The following UROD variants were observed in gnomAD, a reference collection of about 807,000 sequenced individuals.
UROD encodes the protein uroporphyrinogen III decarboxylase.
Under a neutral mutation model 47.1 loss-of-function variants are expected in UROD, and 34 were observed. That is an observed-to-expected ratio of 0.72 (90% CI 0.55 to 0.96). UROD has a LOEUF of 0.96. Among genes scored for constraint, UROD ranks in the 40% least tolerant of loss-of-function variants. UROD has a pLI of 0.00. For missense variants in UROD, 381 were observed against 471.8 expected (o/e 0.81, Z 1.78); for synonymous variants, 148 against 175.8 (o/e 0.84, Z 1.25).
In UROD at chr1:45,012,293, C is replaced by T. The variant is rs755280720; in HGVS notation, c.20+8C>T. 4 of 1,613,962 alleles carry T rather than the reference C, an allele frequency of 2.5e-6. No individual in the cohort carries two copies. The highest frequency in any genetic ancestry group is 1.3e-5 in the African/African-American group (1 of 74,914). ...GGAAGCGAATGGGTTGGGGTGAGTT[C>T]TCCAGAGCACGCGGTGTGGCTAGCC... On this transcript the variant is annotated splice_region_variant and intron_variant, in intron 1 of 9. Coordinates refer to ENST00000246337, the MANE Select transcript of UROD (RefSeq NM_000374.5).
In UROD at chr1:45,014,100, G is replaced by T. The variant is rs11211066; in HGVS notation, c.636+30G>T. 0.25 allele frequency: 408,109 copies of T among 1,613,668 alleles called. 53,150 individuals are homozygous for T. The highest frequency in any genetic ancestry group is 0.37 in the Admixed American group (22,109 of 59,984). ...GTCCTGAGAGAGAGAGAAATAGGCT[G>T]GGATTTGGTCTGTAAGGACCAGAAG... On this transcript the variant is annotated intron_variant, in intron 6 of 9. Coordinates refer to ENST00000246337, the MANE Select transcript of UROD (RefSeq NM_000374.5).
chr1:45,012,352 C>CT, intron 1 of UROD, 67 bp downstream of exon 1: 3 of 1,610,038 alleles, frequency 1.9e-6, no homozygotes, highest in Non-Finnish European at 2.6e-6. Context: ...ACTCAGGACT[C>CT]TATCCCTCTA....
Position 45,015,318 on chromosome 1 carries a change from T to C in UROD, c.943-19T>C. 6.2e-7 allele frequency: 1 copy of C among 1,613,548 alleles called. No individual in the cohort carries two copies. On this transcript the variant is annotated intron_variant, in intron 9 of 9. Coordinates refer to ENST00000246337, the MANE Select transcript of UROD (RefSeq NM_000374.5). ...GGCTTGCTGGTCCTCCTGTAGCCAG[T>C]GCCCTGTTGGTCCCCCAGGAGGAGA...
chr1:45,012,742 C>T, intron 1 of UROD, 165 bp from the exon 2 acceptor site: 1 of 1,452,894 alleles, frequency 6.9e-7, no homozygotes, highest in Non-Finnish European at 9.4e-7. Flanking sequence ...TGTGCACCAC[C>T]TGATAGGCAG....
rs754825289 is a variant in UROD at position 45,013,251 on chromosome 1, T to C, written c.213+36T>C. The C allele has an allele frequency of 1.9e-6, 3 of 1,614,174 alleles. No individual in the cohort carries two copies. In the East Asian group the frequency reaches 6.7e-5, roughly 36 times the overall value. The stretch of plus-strand genomic sequence containing the variant: ...CACAAAAGAGGGAAAGATTTATGCC[T>C]TCAGTCTGCCACCTAGCAACCTGTC... On this transcript the variant is annotated intron_variant, in intron 3 of 9. Coordinates refer to ENST00000246337, the MANE Select transcript of UROD (RefSeq NM_000374.5). The surrounding 1 kb of genome is among the most constrained non-coding windows in gnomAD (Gnocchi z 4.2).
rs1204882356 is a variant in UROD at position 45,013,601 on chromosome 1, G to A, written c.284G>A (p.Gly95Asp). The A allele has an allele frequency of 6.2e-7, 1 of 1,614,120 alleles. No individual in the cohort carries two copies. Among genetic ancestry groups the A allele is most frequent in the South Asian group, 1.1e-5 (1 of 91,090 alleles). Reference sequence around the variant, plus strand: ...TGTTTTCTCCCCCTCCAGGCACTGGGCATGGAGGTGACCATGGTACCTGGC... The same window carrying A: ...TGTTTTCTCCCCCTCCAGGCACTGGACATGGAGGTGACCATGGTACCTGGC... The part of the protein sequence containing the change: ...SDILVVPQAL[G>D]MEVTMVPGKG... The change falls in exon 5 of 10, where the codon GGC becomes GAC. Residue 95 changes from glycine to aspartate, a missense_variant. Coordinates refer to ENST00000246337, the MANE Select transcript of UROD (RefSeq NM_000374.5). This position sits in a 1 kb window ranked among gnomAD's most constrained non-coding sequence, Gnocchi z 4.2.
In UROD at chr1:45,013,347, T is replaced by C; in HGVS notation, c.269T>C (p.Val90Ala). Residue 90 changes from valine (V) to alanine (A), a missense_variant, in exon 4 of 10, where the codon GTA (valine) becomes GCA (alanine). By Grantham distance (64) the Val-to-Ala change is moderately conservative. Coordinates refer to ENST00000246337, the MANE Select transcript of UROD (RefSeq NM_000374.5). The surrounding 1 kb of genome is among the most constrained non-coding windows in gnomAD (Gnocchi z 4.2). ...ATCATTTTCTCCGACATCCTTGTTG[T>C]ACCCCAGGTACCCACTCAAACCTGA... ...AAIIFSDILV[V>A]PQALGMEVTM... is the part of the protein sequence containing the mutation. 6.2e-7 allele frequency: 1 copy of C among 1,614,168 alleles called. No individual in the cohort carries two copies. The highest frequency in any genetic ancestry group is 8.5e-7 in the Non-Finnish European group (1 of 1,180,030).
intron 9 of UROD, 159 bp from the exon 10 acceptor site, chr1:45,015,178 C>A: frequency 7.0e-7 from 1 of 1,418,616 alleles, no homozygotes; most frequent in Non-Finnish European, 9.7e-7. Flanking sequence ...TGTGTTTATG[C>A]TTCATGCCTG....
At position 45,013,415 on chromosome 1, in the gene UROD, A is replaced by G; in HGVS notation, c.276+61A>G. 3 of 1,611,664 alleles carry G rather than the reference A, an allele frequency of 1.9e-6. No individual in the cohort carries two copies. Among genetic ancestry groups the G allele is most frequent in the Non-Finnish European group, 2.5e-6 (3 of 1,177,812 alleles). ...AGGACGCCTTGAAAATCCTTCTATCAGTCCAGTCAAGGTTTACAATAAGCA... is the reference window on the plus strand; with the variant it reads ...AGGACGCCTTGAAAATCCTTCTATCGGTCCAGTCAAGGTTTACAATAAGCA... On this transcript the variant is annotated intron_variant, in intron 4 of 9. Transcript: ENST00000246337. This position sits in a 1 kb window ranked among gnomAD's most constrained non-coding sequence, Gnocchi z 4.2.
chr1:45,015,498 A>C lies in UROD; in HGVS notation c.1104A>C (p.Ter368CysextTer10). 1.9e-6 allele frequency: 3 copies of C among 1,614,216 alleles called. No individual in the cohort carries two copies. The highest frequency in any genetic ancestry group is 2.5e-6 in the Non-Finnish European group (3 of 1,180,050). ...ACTCACGTCTGCTTCGACAGAACTGAGTGTATACCTTTACCCTCAAGTACC... is the reference window on the plus strand; with the variant it reads ...ACTCACGTCTGCTTCGACAGAACTGCGTGTATACCTTTACCCTCAAGTACC... Reference protein sequence around the residue: ...HKHSRLLRQN* With the variant: ...HKHSRLLRQNC Residue 368 changes from the stop codon to cysteine, a stop_lost, in exon 10 of 10, where the codon TGA (stop) becomes TGC (cysteine). Coordinates refer to ENST00000246337, the MANE Select transcript of UROD (RefSeq NM_000374.5).
Position 45,013,403 on chromosome 1 carries a change from A to G in UROD, c.276+49A>G. The G allele has an allele frequency of 6.2e-7, 1 of 1,613,372 alleles. No homozygotes were observed. ...GAATATAATCCAAGGACGCCTTGAA[A>G]ATCCTTCTATCAGTCCAGTCAAGGT... On this transcript the variant is annotated intron_variant, in intron 4 of 9. Coordinates refer to ENST00000246337, the MANE Select transcript of UROD (RefSeq NM_000374.5). This position sits in a 1 kb window ranked among gnomAD's most constrained non-coding sequence, Gnocchi z 4.2.
Position 45,013,474 on chromosome 1 carries a change from T to C in UROD, c.276+120T>C. ...AACTGGATCGAGGGAAAAACTAAGG[T>C]TGAAAGAAATGGAGTTTGGCAGAGT... is the stretch of plus-strand genomic sequence containing the variant. On this transcript the variant is annotated intron_variant, in intron 4 of 9. Transcript: ENST00000246337. The surrounding 1 kb of genome is among the most constrained non-coding windows in gnomAD (Gnocchi z 4.2). 3.7e-6 allele frequency: 6 copies of C among 1,604,130 alleles called. No homozygotes were observed. The highest frequency in any genetic ancestry group is 4.3e-6 in the Non-Finnish European group (5 of 1,171,668).
At chr1:45,012,710 C>G in intron 1 of UROD, 197 bp from the exon 2 acceptor site, 1 of 1,146,134 alleles carries the variant, frequency 8.7e-7, no homozygotes, top group South Asian at 1.5e-5. Flanking sequence ...GAAGAGGCCC[C>G]AGGGCGGGCC....
Position 45,014,494 on chromosome 1 carries a change from A to C in UROD, c.692A>C (p.Lys231Thr), listed in dbSNP as rs771447828. The C allele has an allele frequency of 6.2e-7, 1 of 1,614,178 alleles. No homozygotes were observed. Among genetic ancestry groups the C allele is most frequent in the Non-Finnish European group, 8.5e-7 (1 of 1,180,042 alleles). ...AGHLGPQLFNKFALPYIRDVA... is the reference protein window; with the variant it reads ...AGHLGPQLFNTFALPYIRDVA... ...CATCTTGGCCCACAGCTCTTCAACA[A>C]GTTTGCACTGCCTTACATCCGTGAT... Residue 231 changes from lysine to threonine, a missense_variant, in exon 7 of 10, where the codon AAG (lysine) becomes ACG (threonine). Lys to Thr is a moderately conservative substitution (Grantham distance 78, BLOSUM62 -1). Transcript: ENST00000246337.
Position 45,014,021 on chromosome 1 carries a change from C to T in UROD, c.587C>T (p.Thr196Ile). ...AGTCACCAGCTGCTTCGCATCCTCA[C>T]TGATGCTCTGGTCCCATATCTGGTA... ...QASHQLLRIL[T>I]DALVPYLVGQ... Residue 196 changes from threonine (T) to isoleucine (I), a missense_variant, in exon 6 of 10, where the codon ACT becomes ATT. Transcript: ENST00000246337. 6.2e-7 allele frequency: 1 copy of T among 1,614,260 alleles called. No homozygotes were observed. The highest frequency in any genetic ancestry group is 2.2e-5 in the East Asian group (1 of 44,888).
chr1:45,014,911 C>A, intron 8 of UROD, 29 bp from the exon 9 acceptor site: 1 of 1,614,136 alleles, frequency 6.2e-7, no homozygotes, highest in Non-Finnish European at 8.5e-7. Context: ...TATGCAGTTA[C>A]CAGAACGTGG....
At position 45,013,906 on chromosome 1, in the gene UROD, T is replaced by A; in HGVS notation, c.475-3T>A. 1 of 1,614,194 alleles carries A rather than the reference T, an allele frequency of 6.2e-7. No individual in the cohort carries two copies. ...GTGACACCATCTTTCTATCCTTCTC[T>A]AGTGGACCCTGATGACATACATGGT... On this transcript the variant is annotated splice_polypyrimidine_tract_variant and splice_region_variant and intron_variant, in intron 5 of 9. Transcript: ENST00000246337. The surrounding 1 kb of genome is among the most constrained non-coding windows in gnomAD (Gnocchi z 4.2).
chr1:45,015,334 C>T lies in UROD; in HGVS notation c.943-3C>T, dbSNP rs1644842947. Reference sequence around the variant, plus strand: ...TGTAGCCAGTGCCCTGTTGGTCCCCCAGGAGGAGATCGGGCAGTTGGTGAA... The same window carrying T: ...TGTAGCCAGTGCCCTGTTGGTCCCCTAGGAGGAGATCGGGCAGTTGGTGAA... On this transcript the variant is annotated splice_region_variant and splice_polypyrimidine_tract_variant and intron_variant, in intron 9 of 9. Coordinates refer to ENST00000246337, the MANE Select transcript of UROD (RefSeq NM_000374.5). The T allele has an allele frequency of 6.2e-7, 1 of 1,613,822 alleles. No individual in the cohort carries two copies. Among genetic ancestry groups the T allele is most frequent in the East Asian group, 2.2e-5 (1 of 44,882 alleles).
rs140191668 is a variant in UROD at position 45,014,943 on chromosome 1, G to A, written c.879G>A (p.Glu293=). ...GTGGCGCTGGCTTTGCTTCCAGGGA[G>A]TGTGTGGGGAAGACGGTGACATTGC... The part of the protein sequence containing the change: ...DWTVAPKKAR[E]CVGKTVTLQG... The change falls in exon 9 of 10, where the codon GAG becomes GAA. Residue 293 remains glutamate, a synonymous_variant. Transcript: ENST00000246337. 2.5e-6 allele frequency: 4 copies of A among 1,614,170 alleles called. No homozygotes were observed. The highest frequency in any genetic ancestry group is 2.5e-6 in the Non-Finnish European group (3 of 1,180,020).
Sources: allele counts gnomAD v4.1 joint callset, GRCh38; gene constraint gnomAD v4.1.1; non-coding constraint Gnocchi (gnomAD v3.1); transcripts MANE v1.5; gene names NCBI Gene and HGNC (gene_info 2026-07-23, HGNC 2026-07-21).